The following CYP2C19 variants were observed in gnomAD, a reference collection of about 807,000 sequenced individuals.
CYP2C19 encodes the protein cytochrome P450 family 2 subfamily C member 19.
Under a neutral mutation model 40.9 loss-of-function variants are expected in CYP2C19, and 59 were observed. That is an observed-to-expected ratio of 1.44 (90% CI 1.17 to 1.79). CYP2C19 has a LOEUF of 1.79. Ranked by LOEUF, CYP2C19 falls within the 40% of genes most tolerant of loss-of-function variation. The pLI, the probability that CYP2C19 is intolerant of heterozygous loss-of-function variation, is 0.00. For missense variants in CYP2C19, 754 were observed against 596.9 expected (o/e 1.26, Z -2.74); for synonymous variants, 253 against 208.7 (o/e 1.21, Z -1.83).
chr10:94,803,977 TCCAGG>T (rs1277760813), intron 5 of CYP2C19, among the ~76,000 whole-genome samples: 105 of 152,204 alleles, frequency 6.9e-4, no homozygotes, highest in African/African-American at 2.2e-3. Flanking sequence ...AGGGTGCTGA[TCCAGG>T]TGAGAAATGC....
At chr10:94,803,526 C>A (rs1010861169) in intron 5 of CYP2C19, among the ~76,000 whole-genome samples, 2 of 152,158 alleles carry the variant, frequency 1.3e-5, no homozygotes, top group African/African-American at 4.8e-5. Flanking sequence ...TCTGGGCTCC[C>A]TGCTCAGCCC....
chr10:94,778,734 T>C (rs533932111), intron 3 of CYP2C19, among the ~76,000 whole-genome samples: 8 of 152,234 alleles, frequency 5.3e-5, no homozygotes, highest in African/African-American at 1.9e-4. Flanking sequence ...AACCAGAAAT[T>C]CCATTTGATC....
At chr10:94,802,217 G>A (rs1276635415) in intron 5 of CYP2C19, among the ~76,000 whole-genome samples, 2 of 152,082 alleles carry the variant, frequency 1.3e-5, no homozygotes, top group Non-Finnish European at 2.9e-5. Flanking sequence ...ACTGATTTGT[G>A]TTTTTTACAG....
chr10:94,781,548 G>C lies in CYP2C19; in HGVS notation c.643-273G>C, dbSNP rs1012622596. ...TTGTAGAGAAGAATTGTTGTAAAAA[G>C]TAAGAGAATTAATATAAAGATGCTT... On this transcript the variant is annotated intron_variant, in intron 4 of 8. Transcript: ENST00000371321. 1.4e-4 allele frequency among the ~76,000 whole-genome samples: 22 copies of C among 151,984 alleles called. 1 individual carries two copies. Among genetic ancestry groups the C allele is most frequent in the Non-Finnish European group, 8.8e-5 (6 of 67,990 alleles).
Position 94,853,732 on chromosome 10 carries a change from C to A in CYP2C19, c.*818C>A, listed in dbSNP as rs1429044906. ...GGCTAATTTTTTTGTATTTTTAGTA[C>A]AGACAGGGTTTCACCATGTTAGCCA... On this transcript the variant is annotated 3_prime_UTR_variant, in exon 9 of 9. Coordinates refer to ENST00000371321, the MANE Select transcript of CYP2C19 (RefSeq NM_000769.4). Among the ~76,000 whole-genome samples, 1 of 151,480 alleles carries A rather than the reference C, an allele frequency of 6.6e-6. No homozygotes were observed. The highest frequency in any genetic ancestry group is 2.4e-5 in the African/African-American group (1 of 41,226).
intron 1 of CYP2C19, among the ~76,000 whole-genome samples, chr10:94,764,886 T>C (rs192944676): frequency 5.3e-4 from 81 of 152,202 alleles, no homozygotes; most frequent in Admixed American, 4.8e-3. Context: ...CAGAGGTTGG[T>C]ATGAGTTTGA....
At chr10:94,834,592 C>T (rs1277100541) in intron 6 of CYP2C19, among the ~76,000 whole-genome samples, 3 of 148,450 alleles carry the variant, frequency 2.0e-5, no homozygotes, top group African/African-American at 7.5e-5. Context: ...ATTTAATAGG[C>T]TGAAACAGAG....
intron 7 of CYP2C19, 91 bp from the exon 8 acceptor site, chr10:94,849,826 A>G (rs1247788356): frequency 2.0e-6 from 3 of 1,470,328 alleles, no homozygotes; most frequent in Admixed American, 3.4e-5. Flanking sequence ...CATCATCTGT[A>G]CATCAAAAGA....
At chr10:94,773,635 G>T (rs1181885724) in intron 1 of CYP2C19, among the ~76,000 whole-genome samples, 1 of 152,164 alleles carries the variant, frequency 6.6e-6, no homozygotes, top group African/African-American at 2.4e-5. Flanking sequence ...GACCTTTGCA[G>T]TGAGTGTTAC....
rs546412303 is a variant in CYP2C19 at position 94,763,775 on chromosome 10, G to A, written c.168+902G>A. Among the ~76,000 whole-genome samples the A allele has an allele frequency of 1.4e-4, 21 of 152,184 alleles. No individual in the cohort carries two copies. The East Asian group carries it at 3.3e-3, about 24-fold the overall frequency. On this transcript the variant is annotated intron_variant, in intron 1 of 8. Transcript: ENST00000371321. Reference sequence around the variant, plus strand: ...GGCCCCGTGTTATTAGTATGCTTTTGTGTCTGGAACTGGTTCTTTCCAGTG... The same window carrying A: ...GGCCCCGTGTTATTAGTATGCTTTTATGTCTGGAACTGGTTCTTTCCAGTG...
At chr10:94,821,624 A>G (rs1849123243) in intron 6 of CYP2C19, among the ~76,000 whole-genome samples, 1 of 152,178 alleles carries the variant, frequency 6.6e-6, no homozygotes, top group Non-Finnish European at 1.5e-5. Flanking sequence ...TCTTTTATGA[A>G]CAACTTTACT....
At chr10:94,766,743 T>A (rs55761123) in intron 1 of CYP2C19, among the ~76,000 whole-genome samples, 3,310 of 152,204 alleles carry the variant, frequency 0.022, 118 homozygotes, top group African/African-American at 0.074. Context: ...GAGGCTGGTC[T>A]GGCTGATCTT....
intron 8 of CYP2C19, among the ~76,000 whole-genome samples, chr10:94,850,801 A>G (rs1051756724): frequency 6.6e-6 from 1 of 152,178 alleles, no homozygotes; most frequent in Non-Finnish European, 1.5e-5. Context: ...TTGCCAAATA[A>G]CCATGGATGG....
chr10:94,824,780 A>G (rs992453955), intron 6 of CYP2C19, among the ~76,000 whole-genome samples: 6 of 148,178 alleles, frequency 4.0e-5, no homozygotes, highest in Non-Finnish European at 9.0e-5. Flanking sequence ...AGCATTAGGT[A>G]TATCTCCCGA....
chr10:94,841,531 C>T (rs1251689218), intron 6 of CYP2C19, among the ~76,000 whole-genome samples: 1 of 151,968 alleles, frequency 6.6e-6, no homozygotes, highest in Non-Finnish European at 1.5e-5. Context: ...AGGGGGTTGC[C>T]CTTTGGTTTT....
At chr10:94,772,111 C>A (rs1481592039) in intron 1 of CYP2C19, among the ~76,000 whole-genome samples, 3 of 152,104 alleles carry the variant, frequency 2.0e-5, no homozygotes, top group Admixed American at 2.0e-4. Flanking sequence ...AATGGAGGGC[C>A]ATACCCTGAG....
intron 8 of CYP2C19, among the ~76,000 whole-genome samples, chr10:94,850,540 T>G (rs1384639511): frequency 6.6e-6 from 1 of 152,194 alleles, no homozygotes; most frequent in Non-Finnish European, 1.5e-5. Context: ...CAGATCATTG[T>G]AGTTCAATAG....
rs1207060182 is a variant in CYP2C19, at chr10:94,854,990, G to C, written c.*2076G>C. Among the ~76,000 whole-genome samples the C allele has an allele frequency of 2.0e-5, 3 of 152,190 alleles. No individual in the cohort carries two copies. The highest frequency in any genetic ancestry group is 2.9e-5 in the Non-Finnish European group (2 of 68,036). ...GGTGTTGACAAACACCCATGGGTGA[G>C]ATAAATAAAAAAGTTGTCTAGTCTG... On this transcript the variant is annotated 3_prime_UTR_variant, in exon 9 of 9. Coordinates refer to ENST00000371321, the MANE Select transcript of CYP2C19 (RefSeq NM_000769.4).
chr10:94,824,459 TGAAGA>T (rs1849180077), intron 6 of CYP2C19, among the ~76,000 whole-genome samples: 1 of 152,122 alleles, frequency 6.6e-6, no homozygotes, highest in South Asian at 2.1e-4. Context: ...AGTGTGAGAA[TGAAGA>T]GAATACCATT....
Sources: allele counts gnomAD v4.1 joint callset (sites outside exome capture counted in the v4.1 genomes callset), GRCh38; gene constraint gnomAD v4.1.1; transcripts MANE v1.5; gene names NCBI Gene and HGNC (gene_info 2026-07-23, HGNC 2026-07-21).